JAKMIP3: variants seen among roughly 807,000 people sequenced by gnomAD.
JAKMIP3 encodes the protein Janus kinase and microtubule interacting protein 3.
A neutral mutation model predicts 118.5 loss-of-function variants in JAKMIP3; 58 were observed. The ratio of observed to expected loss-of-function variants is 0.49; its 90% CI spans 0.40 to 0.61. The LOEUF is 0.61. Ranked by LOEUF, JAKMIP3 falls within the 20% of genes least tolerant of loss-of-function variation. The pLI is 0.00. For synonymous variants in JAKMIP3, 486 were observed against 451.2 expected, an observed-to-expected ratio of 1.08 and a Z score of -0.98; for missense variants, 950 against 1,109.0, an observed-to-expected ratio of 0.86 and a Z score of 2.04.
chr10:132,107,526 GAGA>G (rs1165813203), intron 2 of JAKMIP3, among the ~76,000 whole-genome samples: 1 of 152,204 alleles, frequency 6.6e-6, no homozygotes, highest in African/African-American at 2.4e-5. Flanking sequence ...GAAAGGAATG[GAGA>G]AGAAGCCTGT....
At chr10:132,064,387 G>A (rs1473820462), upstream of JAKMIP3, among the ~76,000 whole-genome samples, 1 of 152,178 alleles carries the variant, frequency 6.6e-6, no homozygotes, top group Non-Finnish European at 1.5e-5. This position sits in a 1 kb window ranked among gnomAD's most constrained non-coding sequence, Gnocchi z 4.4. Flanking sequence ...GGTTGTCCCC[G>A]TGGCCTGCCT....
intron 6 of JAKMIP3, 87 bp downstream of exon 6, chr10:132,136,163 G>A: frequency 6.9e-7 from 1 of 1,443,030 alleles, no homozygotes; most frequent in Non-Finnish European, 9.5e-7. Flanking sequence ...GATTTAGCAT[G>A]ACAGCCGGTC....
At chr10:132,114,741 T>G (rs1175416522) in intron 2 of JAKMIP3, among the ~76,000 whole-genome samples, 1 of 152,232 alleles carries the variant, frequency 6.6e-6, no homozygotes, top group Non-Finnish European at 1.5e-5. Flanking sequence ...GTATGATATA[T>G]TCTTCCATTT....
intron 1 of JAKMIP3, among the ~76,000 whole-genome samples, chr10:132,066,527 C>T (rs1223392934): frequency 6.6e-6 from 1 of 152,170 alleles, no homozygotes; most frequent in African/African-American, 2.4e-5. Flanking sequence ...CGTGGGGTAA[C>T]CGGCTGGACT....
intron 23 of JAKMIP3, among the ~76,000 whole-genome samples, chr10:132,172,896 A>T (rs2059640249): frequency 6.7e-6 from 1 of 150,264 alleles, no homozygotes; most frequent in African/African-American, 2.5e-5. Context: ...TACATGTGCA[A>T]ACCAACCTGT....
intron 1 of JAKMIP3, among the ~76,000 whole-genome samples, chr10:132,096,579 A>T (rs924358061): frequency 6.6e-6 from 1 of 152,182 alleles, no homozygotes; most frequent in Non-Finnish European, 1.5e-5. Flanking sequence ...TGGTAAATAC[A>T]GGTGCAAGAT....
At position 132,118,076 on chromosome 10, in the gene JAKMIP3, C is replaced by T. The variant is rs959250586; in HGVS notation, c.633+502C>T. 1.5e-4 allele frequency among the ~76,000 whole-genome samples: 23 copies of T among 152,294 alleles called. No homozygotes were observed. The highest frequency in any genetic ancestry group is 2.9e-4 in the Non-Finnish European group (20 of 68,032). ...GTTGAACTCACAGGATCCAGAGAGGCGAGATCAGGAGGCCCCGGGGGGTGG... is the reference window on the plus strand; with the variant it reads ...GTTGAACTCACAGGATCCAGAGAGGTGAGATCAGGAGGCCCCGGGGGGTGG... On this transcript the variant is annotated intron_variant, in intron 3 of 23. Coordinates refer to ENST00000684848, the MANE Select transcript of JAKMIP3 (RefSeq NM_001323087.2). This position sits in a 1 kb window ranked among gnomAD's most constrained non-coding sequence, Gnocchi z 4.8.
intron 3 of JAKMIP3, among the ~76,000 whole-genome samples, chr10:132,120,048 C>G (rs776501014): frequency 6.6e-6 from 1 of 152,202 alleles, no homozygotes; most frequent in Non-Finnish European, 1.5e-5. Flanking sequence ...GTAGAATAGC[C>G]TAGTCAGAGA....
At chr10:132,086,778 C>T (rs181164301) in intron 1 of JAKMIP3, among the ~76,000 whole-genome samples, 19 of 152,328 alleles carry the variant, frequency 1.2e-4, no homozygotes, top group Non-Finnish European at 2.8e-4. Flanking sequence ...CTCTTGAAAG[C>T]AGCAGATACT....
rs971999757 is a variant in JAKMIP3 at position 132,085,833 on chromosome 10, A to G, written c.-137-18839A>G. 2.0e-5 allele frequency among the ~76,000 whole-genome samples: 3 copies of G among 151,812 alleles called. No individual in the cohort carries two copies. In the East Asian group the frequency reaches 5.8e-4, roughly 29 times the overall value. On this transcript the variant is annotated intron_variant, in intron 1 of 23. Coordinates refer to ENST00000684848, the MANE Select transcript of JAKMIP3 (RefSeq NM_001323087.2). The stretch of plus-strand genomic sequence containing the variant: ...TTTCAAAGAACCAGCTTTTCGTTTC[A>G]TTTATCTTTTGTATATATTTTTTGT...
chr10:132,102,971 G>C (rs1237541415), intron 1 of JAKMIP3, among the ~76,000 whole-genome samples: 5 of 150,816 alleles, frequency 3.3e-5, no homozygotes, highest in African/African-American at 1.2e-4. Context: ...GGGGTGGGGG[G>C]AAGTGTTCAC....
At chr10:132,157,215 T>C (rs947007262) in intron 19 of JAKMIP3, among the ~76,000 whole-genome samples, 2 of 152,176 alleles carry the variant, frequency 1.3e-5, no homozygotes, top group African/African-American at 4.8e-5. Context: ...CTTCTCCTTC[T>C]CTGAAGTGCG....
intron 1 of JAKMIP3, among the ~76,000 whole-genome samples, chr10:132,078,211 T>G (rs527392617): frequency 1.3e-5 from 2 of 152,290 alleles, no homozygotes; most frequent in Non-Finnish European, 2.9e-5. Flanking sequence ...TGTTATTACA[T>G]TTCACAACCT....
chr10:132,153,139 TC>T, intron 17 of JAKMIP3, 116 bp downstream of exon 17: 1 of 782,108 alleles, frequency 1.3e-6, no homozygotes, highest in Non-Finnish European at 2.2e-6. Context: ...GTTTGGGGGG[TC>T]CACTAAGCCC....
chr10:132,087,665 CG>C (rs1217350939), intron 1 of JAKMIP3, among the ~76,000 whole-genome samples: 1 of 150,752 alleles, frequency 6.6e-6, no homozygotes, highest in African/African-American at 2.4e-5. Flanking sequence ...CTTTCCAGAG[CG>C]TTTTGCATTT....
At chr10:132,153,286 G>A (rs556642339) in intron 17 of JAKMIP3, among the ~76,000 whole-genome samples, 59 of 152,232 alleles carry the variant, frequency 3.9e-4, no homozygotes, top group Admixed American at 5.9e-4. Flanking sequence ...AAGGTATGGT[G>A]AGTCTGCAGG....
intron 1 of JAKMIP3, among the ~76,000 whole-genome samples, chr10:132,055,099 G>A (rs962435567): frequency 6.6e-6 from 1 of 152,174 alleles, no homozygotes; most frequent in African/African-American, 2.4e-5. Flanking sequence ...GCTGGGGTTG[G>A]TTTTGTTCTT....
chr10:132,161,433 T>G (rs2058286670), intron 19 of JAKMIP3, among the ~76,000 whole-genome samples: 2 of 86,680 alleles, frequency 2.3e-5, no homozygotes, highest in African/African-American at 9.7e-5. Context: ...TCTCCCTGTG[T>G]GATGCTGGGG....
chr10:132,169,522 T>G (rs958377416), intron 23 of JAKMIP3, among the ~76,000 whole-genome samples: 1 of 152,058 alleles, frequency 6.6e-6, no homozygotes, highest in African/African-American at 2.4e-5. Flanking sequence ...ACCGTGGAGC[T>G]TTCCTCGCCA....
Sources: gnomAD v4.1 joint callset for allele counts (sites outside exome capture counted in the v4.1 genomes callset) on GRCh38, gnomAD v4.1.1 for gene constraint, Gnocchi (gnomAD v3.1) non-coding constraint, MANE v1.5 for transcripts, NCBI Gene and HGNC (gene_info 2026-07-23, HGNC 2026-07-21) for gene names.